Variants in PDS5B observed in about 807,000 individuals in gnomAD.
PDS5B encodes the protein PDS5 cohesin associated factor B, also known as sister chromatid cohesion protein PDS5 homolog B.
In PDS5B, 51 loss-of-function variants were observed where a neutral mutation model predicts 184.1. That is an observed-to-expected ratio of 0.28 (90% confidence interval 0.22 to 0.35). The LOEUF (loss-of-function observed/expected upper bound fraction) is 0.35, where lower values mean the gene tolerates loss of function less well. PDS5B is among the 10% of genes least tolerant of loss of function. The pLI is 1.00. For synonymous variants in PDS5B, 566 were observed against 569.2 expected (o/e 0.99, Z 0.08); for missense variants, 1,180 against 1,723.3 (o/e 0.68, Z 5.58).
At chr13:32,678,696 A>C (rs778412929) in intron 9 of PDS5B, 139 bp from the exon 10 acceptor site, 19 of 587,126 alleles carry the variant, frequency 3.2e-5, no homozygotes, top group Non-Finnish European at 5.1e-5. Flanking sequence ...GAAACTTTGT[A>C]AAATGGTTTG....
intron 1 of PDS5B, among the ~76,000 whole-genome samples, chr13:32,613,498 A>T (rs768176773): frequency 7.9e-5 from 12 of 152,138 alleles, no homozygotes; most frequent in Non-Finnish European, 1.5e-4. Flanking sequence ...AATGATGCTG[A>T]GCATCTTTTT....
intron 19 of PDS5B, among the ~76,000 whole-genome samples, chr13:32,722,701 G>A (rs147727387): frequency 5.9e-5 from 9 of 152,324 alleles, no homozygotes; most frequent in African/African-American, 1.9e-4. Flanking sequence ...AGAGAAAAAT[G>A]TTGCATTGGT....
chr13:32,614,923 T>C (rs2058196066), intron 1 of PDS5B, among the ~76,000 whole-genome samples: 1 of 152,200 alleles, frequency 6.6e-6, no homozygotes, highest in South Asian at 2.1e-4. Context: ...CAGTAGAGAT[T>C]GATTGAGCTT....
intron 1 of PDS5B, among the ~76,000 whole-genome samples, chr13:32,624,917 GAGAC>G: frequency 6.6e-6 from 1 of 152,210 alleles, no homozygotes; most frequent in East Asian, 1.9e-4. Context: ...GTGCAGATAA[GAGAC>G]AGATGGTGAG....
At chr13:32,676,369 C>T (rs1951063396) in intron 9 of PDS5B, among the ~76,000 whole-genome samples, 1 of 152,074 alleles carries the variant, frequency 6.6e-6, no homozygotes, top group Non-Finnish European at 1.5e-5. Flanking sequence ...TTATATTTCT[C>T]TTCCTAACTT....
intron 2 of PDS5B, chr13:32,650,496 A>G (rs1467323865): frequency 6.6e-6 from 1 of 152,182 alleles, no homozygotes; most frequent in Admixed American, 6.5e-5. Flanking sequence ...TTCCTGTAAC[A>G]TTTTATTCAA....
intron 23 of PDS5B, among the ~76,000 whole-genome samples, chr13:32,744,294 T>C (rs569149072): frequency 1.3e-5 from 2 of 152,330 alleles, no homozygotes; most frequent in Admixed American, 6.5e-5. Flanking sequence ...ATGTCACTTA[T>C]GCTGTGTTTT....
At chr13:32,600,991 T>A (rs997245002) in intron 1 of PDS5B, among the ~76,000 whole-genome samples, 1 of 152,302 alleles carries the variant, frequency 6.6e-6, no homozygotes, top group Admixed American at 6.5e-5. Flanking sequence ...CTCCTTTGAA[T>A]TTTCCCTTTG....
intron 19 of PDS5B, among the ~76,000 whole-genome samples, chr13:32,721,713 T>TA (rs1459391017): frequency 7.4e-6 from 1 of 135,830 alleles, no homozygotes; most frequent in Non-Finnish European, 1.6e-5. Context: ...CCTCAATTCT[T>TA]AGACAGGATG....
At chr13:32,696,611 TTC>T (rs1224396064) in intron 14 of PDS5B, among the ~76,000 whole-genome samples, 2 of 151,926 alleles carry the variant, frequency 1.3e-5, no homozygotes, top group African/African-American at 2.4e-5. Context: ...GCTGTCTGAT[TTC>T]TGTTTGGAGG....
intron 1 of PDS5B, among the ~76,000 whole-genome samples, chr13:32,646,369 GTTTTTTTTTTTTT>G (rs58539534): frequency 4.7e-5 from 5 of 106,088 alleles, no homozygotes; most frequent in African/African-American, 2.0e-4. Context: ...TCATGGCTGT[GTTTTTTTTTTTTT>G]TTTTTTTTTT....
intron 20 of PDS5B, among the ~76,000 whole-genome samples, chr13:32,733,708 T>A (rs1430864075): frequency 2.0e-5 from 3 of 152,030 alleles, no homozygotes; most frequent in Non-Finnish European, 4.4e-5. Context: ...GAAAATAAAT[T>A]CACTTGTTTC....
intron 8 of PDS5B, among the ~76,000 whole-genome samples, chr13:32,674,003 CAG>C (rs1336137132): frequency 6.6e-6 from 1 of 151,764 alleles, no homozygotes; most frequent in African/African-American, 2.4e-5. Context: ...TTGGTAGAGA[CAG>C]GGTTTCACCA....
At chr13:32,663,469 A>ATACT (rs966810794) in intron 6 of PDS5B, among the ~76,000 whole-genome samples, 4 of 152,224 alleles carry the variant, frequency 2.6e-5, no homozygotes, top group African/African-American at 9.6e-5. Context: ...ATAGACTAAG[A>ATACT]TACTTGTTTA....
Position 32,775,136 on chromosome 13 carries a change from G to A in PDS5B, c.*84G>A, listed in dbSNP as rs1954917907. 9.8e-6 allele frequency: 11 copies of A among 1,116,824 alleles called. No homozygotes were observed. The highest frequency in any genetic ancestry group is 1.3e-5 in the South Asian group (1 of 74,248). 69.2% of individuals were successfully genotyped at this position (1,116,824 alleles called of 1,614,324 possible). ...TTGGTCAAGCTTGAGGCTGAATAAA[G>A]CCTTTGATGCACAAAATGGGACTGC... is the stretch of plus-strand genomic sequence containing the variant. On this transcript the variant is annotated 3_prime_UTR_variant, in exon 35 of 35. Transcript: ENST00000315596.
At chr13:32,699,913 T>C (rs776915741) in intron 16 of PDS5B, 44 bp downstream of exon 16, 1 of 1,492,542 alleles carries the variant, frequency 6.7e-7, no homozygotes, top group Admixed American at 2.7e-5. Flanking sequence ...CCCCCAAATC[T>C]TCTTTATTGT....
chr13:32,760,838 A>AT (rs1256542918), intron 30 of PDS5B, 118 bp downstream of exon 30: 1 of 967,682 alleles, frequency 1.0e-6, no homozygotes, highest in African/African-American at 1.7e-5. Flanking sequence ...GTATTACTTA[A>AT]TTTTTCCATT....
chr13:32,653,343 A>G (rs1593343328), intron 3 of PDS5B, among the ~76,000 whole-genome samples: 1 of 152,336 alleles, frequency 6.6e-6, no homozygotes, highest in African/African-American at 2.4e-5. Flanking sequence ...ATGAGTCCAT[A>G]GAAAGATTAT....
At chr13:32,702,997 G>A (rs2140875649) in intron 17 of PDS5B, among the ~76,000 whole-genome samples, 1 of 152,218 alleles carries the variant, frequency 6.6e-6, no homozygotes, top group South Asian at 2.1e-4. Context: ...CAGCTTACTG[G>A]GTATGGGGAA....
Sources: allele counts gnomAD v4.1 joint callset (sites outside exome capture counted in the v4.1 genomes callset), GRCh38; gene constraint gnomAD v4.1.1; transcripts MANE v1.5; gene names NCBI Gene and HGNC (gene_info 2026-07-23, HGNC 2026-07-21).